LRRIQ3: variants seen among roughly 807,000 people sequenced by gnomAD.
LRRIQ3 encodes leucine rich repeats and IQ motif containing 3, also known as leucine-rich repeat and IQ domain-containing protein 3.
In LRRIQ3, 75 loss-of-function variants were observed where a neutral mutation model predicts 59.3. The ratio of observed to expected loss-of-function variants is 1.26; its 90% CI spans 1.05 to 1.53. The LOEUF is 1.53. Among genes scored for constraint, LRRIQ3 ranks in the 40% most tolerant of loss-of-function variants. The pLI, the probability that LRRIQ3 is intolerant of heterozygous loss-of-function variation, is 0.00. For missense variants in LRRIQ3, 831 were observed against 710.0 expected (o/e 1.17, Z -1.94); for synonymous variants, 250 against 231.3 (o/e 1.08, Z -0.73).
chr1:74,053,190 A>AC (rs967940993), intron 6 of LRRIQ3, among the ~76,000 whole-genome samples: 9 of 151,730 alleles, frequency 5.9e-5, no homozygotes, highest in East Asian at 1.9e-4. Flanking sequence ...AAAAAAAAAA[A>AC]AAAACAAATT....
chr1:74,185,727 A>G (rs1327838968), intron 1 of LRRIQ3, among the ~76,000 whole-genome samples: 2 of 151,888 alleles, frequency 1.3e-5, no homozygotes, highest in African/African-American at 4.8e-5. Context: ...GCGGATTACC[A>G]GGTCAGGAGA....
chr1:74,180,881 C>A, intron 3 of LRRIQ3: 1 of 1,265,538 alleles, frequency 7.9e-7, no homozygotes, highest in South Asian at 1.4e-5. Flanking sequence ...CAAATCTCTA[C>A]CCCTTTCAGT....
At chr1:74,031,651 T>C (rs1043385959) in intron 7 of LRRIQ3, among the ~76,000 whole-genome samples, 2 of 150,598 alleles carry the variant, frequency 1.3e-5, no homozygotes, top group Admixed American at 6.6e-5. Flanking sequence ...TTAGGAGATA[T>C]ACCTAATGTA....
At chr1:74,104,800 C>T (rs372401259) in intron 5 of LRRIQ3, among the ~76,000 whole-genome samples, 14 of 151,886 alleles carry the variant, frequency 9.2e-5, no homozygotes, top group South Asian at 4.2e-4. Flanking sequence ...AACAATGAAC[C>T]GCAATGGAAA....
In LRRIQ3 at chr1:74,045,752, C is replaced by A. The variant is rs369135874; in HGVS notation, c.998-3819G>T. ...AAAATCTCCTTAAACTGATAAGCAA[C>A]TTCAGCAAAGTCTCAGGGTACAAAA... On this transcript the variant is annotated intron_variant, in intron 6 of 7. Transcript: ENST00000354431. 2.2e-4 allele frequency among the ~76,000 whole-genome samples: 34 copies of A among 152,268 alleles called. No individual in the cohort carries two copies. The Middle Eastern group carries it at 0.01, about 46-fold the overall frequency.
At chr1:74,035,884 T>C (rs1288955647) in intron 7 of LRRIQ3, among the ~76,000 whole-genome samples, 1 of 152,182 alleles carries the variant, frequency 6.6e-6, no homozygotes, top group Non-Finnish European at 1.5e-5. Context: ...CTCTTCTCCT[T>C]GCCTCACCTC....
chr1:74,193,121 T>C (rs1269801822), intron 1 of LRRIQ3, among the ~76,000 whole-genome samples: 1 of 152,196 alleles, frequency 6.6e-6, no homozygotes, highest in Non-Finnish European at 1.5e-5. Context: ...ATTTAAAATA[T>C]GCACATAGAG....
At chr1:74,047,017 T>C (rs1165928827) in intron 6 of LRRIQ3, among the ~76,000 whole-genome samples, 1 of 152,120 alleles carries the variant, frequency 6.6e-6, no homozygotes, top group Non-Finnish European at 1.5e-5. Flanking sequence ...GTAAATTAGT[T>C]CAACCATTGT....
chr1:74,077,446 A>C (rs1014645220), intron 5 of LRRIQ3, among the ~76,000 whole-genome samples: 1 of 151,868 alleles, frequency 6.6e-6, no homozygotes, highest in Admixed American at 6.6e-5. Context: ...CCCTGAAAAA[A>C]ACAAGAACCC....
chr1:74,035,285 A>G (rs1007908863), intron 7 of LRRIQ3, among the ~76,000 whole-genome samples: 3 of 151,782 alleles, frequency 2.0e-5, no homozygotes, highest in Non-Finnish European at 4.4e-5. Context: ...ATAGAAGTAG[A>G]CATAGACATA....
intron 5 of LRRIQ3, among the ~76,000 whole-genome samples, chr1:74,085,728 G>A (rs928212100): frequency 3.9e-5 from 6 of 151,984 alleles, no homozygotes; most frequent in African/African-American, 9.7e-5. Context: ...CCTACTTTAA[G>A]ATAGCATAAT....
At chr1:74,183,144 T>C in intron 2 of LRRIQ3, 1 of 314,894 alleles carries the variant, frequency 3.2e-6, no homozygotes, top group East Asian at 5.8e-5. Flanking sequence ...TAAACTTTTC[T>C]AAAATACTTT....
chr1:74,035,423 T>A (rs1653840905), intron 7 of LRRIQ3, among the ~76,000 whole-genome samples: 1 of 152,160 alleles, frequency 6.6e-6, no homozygotes, highest in Non-Finnish European at 1.5e-5. Context: ...GGTTTTATGT[T>A]CTTAAAAATG....
intron 3 of LRRIQ3, among the ~76,000 whole-genome samples, chr1:74,157,361 A>T (rs2100671882): frequency 6.6e-6 from 1 of 152,108 alleles, no homozygotes; most frequent in Non-Finnish European, 1.5e-5. Context: ...TTTGTCTAAG[A>T]TTGGCACTCT....
intron 4 of LRRIQ3, among the ~76,000 whole-genome samples, chr1:74,125,995 G>T (rs1426705471): frequency 6.6e-6 from 1 of 151,688 alleles, no homozygotes; most frequent in Non-Finnish European, 1.5e-5. Context: ...TGTTTTCTTT[G>T]CTAGGAGACT....
At chr1:74,168,903 A>C (rs746849804) in intron 3 of LRRIQ3, among the ~76,000 whole-genome samples, 1 of 151,810 alleles carries the variant, frequency 6.6e-6, no homozygotes, top group Non-Finnish European at 1.5e-5. Context: ...TGTCATTTTT[A>C]TTTTCTTTTG....
intron 6 of LRRIQ3, among the ~76,000 whole-genome samples, chr1:74,042,416 A>G (rs1654075738): frequency 6.6e-6 from 1 of 152,106 alleles, no homozygotes; most frequent in Non-Finnish European, 1.5e-5. Flanking sequence ...TTGATTGGTT[A>G]TGGTTCAATT....
intron 4 of LRRIQ3, among the ~76,000 whole-genome samples, chr1:74,121,484 G>C (rs529512841): frequency 6.6e-6 from 1 of 152,174 alleles, no homozygotes; most frequent in East Asian, 1.9e-4. Context: ...CTAGTGAGAA[G>C]TTTTTCTCTA....
At position 74,041,815 on chromosome 1, in the gene LRRIQ3, C is replaced by G. The variant is rs1303285355; in HGVS notation, c.1116G>C (p.Glu372Asp). 1.2e-6 allele frequency: 2 copies of G among 1,613,378 alleles called. No homozygotes were observed. Among genetic ancestry groups the G allele is most frequent in the Non-Finnish European group, 1.7e-6 (2 of 1,179,712 alleles). Residue 372 changes from glutamate (E) to aspartate (D), a missense_variant, in exon 7 of 8, where the codon GAG (glutamate) becomes GAC (aspartate). Coordinates refer to ENST00000354431, the MANE Select transcript of LRRIQ3 (RefSeq NM_001105659.2). ...ATGCAGGAAAAAAATGTTGTTTTTT[C>G]TCTCTCAATACTGCATTATTCTTCA... Reference protein sequence around the residue: ...GSLKNNAVLREKKQHFFPAYP... With the variant: ...GSLKNNAVLRDKKQHFFPAYP...
Sources: allele counts gnomAD v4.1 joint callset (sites outside exome capture counted in the v4.1 genomes callset), GRCh38; gene constraint gnomAD v4.1.1; transcripts MANE v1.5; gene names NCBI Gene and HGNC (gene_info 2026-07-23, HGNC 2026-07-21).